Variants in CCDC6 observed in about 807,000 individuals in gnomAD.
CCDC6 encodes coiled-coil domain-containing protein 6.
CCDC6 carries 20 observed loss-of-function variants against 56.6 expected under a neutral mutation model. The observed-to-expected ratio is 0.35, with a 90% CI of 0.25 to 0.51. CCDC6 has a LOEUF of 0.51. Ranked by LOEUF, CCDC6 falls within the 20% of genes least tolerant of loss-of-function variation. The probability of loss-of-function intolerance (pLI) is 0.95; values close to 1 mark genes in which losing one functional copy is unlikely to be tolerated. For synonymous variants in CCDC6, 241 were observed against 234.4 expected, an observed-to-expected ratio of 1.03 and a Z score of -0.26; for missense variants, 367 against 601.1, an observed-to-expected ratio of 0.61 and a Z score of 4.07.
intron 1 of CCDC6, among the ~76,000 whole-genome samples, chr10:59,876,526 G>A (rs1424213020): frequency 6.7e-6 from 1 of 148,912 alleles, no homozygotes; most frequent in East Asian, 2.0e-4. Flanking sequence ...AACTAGGCAA[G>A]GTCCACCAAA....
intron 1 of CCDC6, among the ~76,000 whole-genome samples, chr10:59,853,718 T>C (rs2071057767): frequency 1.3e-5 from 2 of 152,106 alleles, no homozygotes; most frequent in African/African-American, 4.8e-5. Context: ...ATTTTTTACT[T>C]TATTTCCCTA....
At chr10:59,886,270 G>C (rs1268911159) in intron 1 of CCDC6, among the ~76,000 whole-genome samples, 1 of 152,160 alleles carries the variant, frequency 6.6e-6, no homozygotes, top group African/African-American at 2.4e-5. Flanking sequence ...GCAGCTTCTG[G>C]AGGAAGAAGG....
At chr10:59,810,131 A>G (rs943270394) in intron 5 of CCDC6, among the ~76,000 whole-genome samples, 6 of 152,168 alleles carry the variant, frequency 3.9e-5, no homozygotes, top group African/African-American at 1.4e-4. Flanking sequence ...AACTGTTGAG[A>G]GAGAGGTTCA....
At chr10:59,853,958 A>C (rs1165454461) in intron 1 of CCDC6, among the ~76,000 whole-genome samples, 1 of 152,204 alleles carries the variant, frequency 6.6e-6, no homozygotes, top group Admixed American at 6.5e-5. Context: ...CTTTTGGGAA[A>C]GGGCATCCAT....
chr10:59,817,597 A>G (rs983966470), intron 3 of CCDC6, among the ~76,000 whole-genome samples: 2 of 152,230 alleles, frequency 1.3e-5, no homozygotes, highest in African/African-American at 4.8e-5. Context: ...AAAAAATTCA[A>G]GCAGGCATCA....
intron 1 of CCDC6, among the ~76,000 whole-genome samples, chr10:59,855,913 T>C (rs1029832057): frequency 3.9e-5 from 6 of 152,222 alleles, no homozygotes; most frequent in African/African-American, 1.4e-4. Flanking sequence ...CTTCCAAAGA[T>C]GTGTTACAGG....
chr10:59,876,846 T>C lies in CCDC6; in HGVS notation c.304-24144A>G, dbSNP rs2071286658. On this transcript the variant is annotated intron_variant, in intron 1 of 8. Coordinates refer to ENST00000263102, the MANE Select transcript of CCDC6 (RefSeq NM_005436.5). ...TTTTTTGAATACAGTCATGTGTTGG[T>C]TAATGACAGGTTATGTTATGAGACA... 5.3e-5 allele frequency among the ~76,000 whole-genome samples: 8 copies of C among 152,322 alleles called. No homozygotes were observed. The South Asian group carries it at 1.7e-3, about 32-fold the overall frequency.
At chr10:59,882,118 GGGGGAGAAGGAAAGGAAAGCCGC>G (rs1564755893) in intron 1 of CCDC6, among the ~76,000 whole-genome samples, 2 of 34,464 alleles carry the variant, frequency 5.8e-5, no homozygotes, top group African/African-American at 1.9e-4. Flanking sequence ...AGGAAAGCCG[GGGGGAGAAGGAAAGGAAAGCCGC>G]GGGGAGAAGG....
Position 59,794,790 on chromosome 10 carries a change from C to G in CCDC6, c.1106-193G>C, listed in dbSNP as rs550831549. On this transcript the variant is annotated intron_variant, in intron 7 of 8. Coordinates refer to ENST00000263102, the MANE Select transcript of CCDC6 (RefSeq NM_005436.5). ...TTAATTCCTAGGATAGAACAGAGAG[C>G]CCAGAAATAAACTCACACGTATATG... Among the ~76,000 whole-genome samples, 10 of 152,062 alleles carry G rather than the reference C, an allele frequency of 6.6e-5. No homozygotes were observed. In the East Asian group the frequency reaches 1.2e-3, roughly 18 times the overall value.
At chr10:59,890,631 G>C (rs2071414832) in intron 1 of CCDC6, among the ~76,000 whole-genome samples, 1 of 152,086 alleles carries the variant, frequency 6.6e-6, no homozygotes, top group African/African-American at 2.4e-5. Flanking sequence ...TAGAGAAGAG[G>C]GCAAGATGGC....
chr10:59,874,395 G>A (rs1047286316), intron 1 of CCDC6, among the ~76,000 whole-genome samples: 1 of 152,152 alleles, frequency 6.6e-6, no homozygotes, highest in African/African-American at 2.4e-5. Context: ...TCCGTTTACA[G>A]AAAGGTGGTT....
chr10:59,824,478 T>C (rs2070770812), intron 3 of CCDC6, among the ~76,000 whole-genome samples: 1 of 152,236 alleles, frequency 6.6e-6, no homozygotes, highest in Non-Finnish European at 1.5e-5. Context: ...GTGGGATGAA[T>C]GCACCCAAGC....
At chr10:59,874,776 T>C (rs567822333) in intron 1 of CCDC6, among the ~76,000 whole-genome samples, 2 of 152,264 alleles carry the variant, frequency 1.3e-5, no homozygotes, top group African/African-American at 4.8e-5. Context: ...TGACTTGCCA[T>C]TGCTGGGTTT....
intron 1 of CCDC6, among the ~76,000 whole-genome samples, chr10:59,887,401 C>T (rs2071390138): frequency 6.7e-6 from 1 of 150,168 alleles, no homozygotes; most frequent in African/African-American, 2.5e-5. Context: ...GTGACGGTGA[C>T]ATTTTGAGAC....
intron 1 of CCDC6, among the ~76,000 whole-genome samples, chr10:59,859,785 G>T (rs1265227486): frequency 1.3e-5 from 2 of 152,156 alleles, no homozygotes; most frequent in Admixed American, 6.6e-5. Flanking sequence ...CAGAACTAAT[G>T]AAAGACATAA....
chr10:59,900,200 G>C (rs761870039), intron 1 of CCDC6, among the ~76,000 whole-genome samples: 23 of 152,090 alleles, frequency 1.5e-4, no homozygotes, highest in Non-Finnish European at 1.0e-4. Flanking sequence ...TCAGTGACGT[G>C]GGGTGGGGGG....
Position 59,792,727 on chromosome 10 carries a change from G to C in CCDC6, c.*190C>G. 1.3e-6 allele frequency: 1 copy of C among 775,408 alleles called. No individual in the cohort carries two copies. Among genetic ancestry groups the C allele is most frequent in the Non-Finnish European group, 2.3e-6 (1 of 427,460 alleles). The allele number at this position is 775,408 out of a possible 1,614,324, so 48.0% of individuals were successfully genotyped here. ...AAAACACTGATGGAAAAAGTCGTCT[G>C]GTTAGTGTTGTAGACCCACAACACT... On this transcript the variant is annotated 3_prime_UTR_variant, in exon 9 of 9. Coordinates refer to ENST00000263102, the MANE Select transcript of CCDC6 (RefSeq NM_005436.5).
chr10:59,891,930 C>T (rs1204857318), intron 1 of CCDC6, among the ~76,000 whole-genome samples: 1 of 152,194 alleles, frequency 6.6e-6, no homozygotes, highest in Non-Finnish European at 1.5e-5. Flanking sequence ...GAAAGCAACC[C>T]AGAGGCAACA....
chr10:59,825,315 C>G (rs1364562114), intron 3 of CCDC6, among the ~76,000 whole-genome samples: 1 of 152,214 alleles, frequency 6.6e-6, no homozygotes, highest in African/African-American at 2.4e-5. Context: ...TCAGGGGTTT[C>G]TGCTTTTGCG....
Sources: gnomAD v4.1 joint callset for allele counts (sites outside exome capture counted in the v4.1 genomes callset) on GRCh38, gnomAD v4.1.1 for gene constraint, MANE v1.5 for transcripts, NCBI Gene and HGNC (gene_info 2026-07-23, HGNC 2026-07-21) for gene names.